The following PAWR variants were observed in gnomAD, a reference collection of about 807,000 sequenced individuals.
PAWR encodes the protein pro-apoptotic WT1 regulator.
PAWR carries 23 observed loss-of-function variants against 32.0 expected under a neutral mutation model. That is an observed-to-expected ratio of 0.72 (90% CI 0.52 to 1.02). The LOEUF (loss-of-function observed/expected upper bound fraction) is 1.02. Ranked by LOEUF, PAWR falls within the 50% of genes least tolerant of loss-of-function variation. The probability of loss-of-function intolerance (pLI) is 0.00; values close to 1 mark genes in which losing one functional copy is unlikely to be tolerated. For synonymous variants in PAWR, 226 were observed against 187.1 expected (o/e 1.21, Z -1.70); for missense variants, 457 against 437.7 (o/e 1.04, Z -0.39).
At chr12:79,600,431 T>C (rs1873913341) in intron 4 of PAWR, among the ~76,000 whole-genome samples, 1 of 150,252 alleles carries the variant, frequency 6.7e-6, no homozygotes, top group Admixed American at 6.7e-5. Flanking sequence ...CGAGAAGAAG[T>C]GTGATTAAAA....
chr12:79,689,980 C>T lies in PAWR; in HGVS notation c.265G>A (p.Val89Met). 2 of 1,338,816 alleles carry T rather than the reference C, an allele frequency of 1.5e-6. No homozygotes were observed. Among genetic ancestry groups the T allele is most frequent in the Non-Finnish European group, 1.9e-6 (2 of 1,051,752 alleles). 82.9% of individuals were successfully genotyped at this position (1,338,816 alleles called of 1,614,324 possible). The change falls in exon 2 of 7, where the codon GTG becomes ATG. Residue 89 changes from valine to methionine, a missense_variant. Coordinates refer to ENST00000328827, the MANE Select transcript of PAWR (RefSeq NM_002583.4). The stretch of plus-strand genomic sequence containing the variant: ...ATGGCGGAGCCGACCGCGCAGTTCA[C>T]GCCCCCGGGACCGGGGACGGCAGGT... Reference protein sequence around the residue: ...AAPAVPGPGGVNCAVGSAMLT... With the variant: ...AAPAVPGPGGMNCAVGSAMLT...
intron 4 of PAWR, chr12:79,604,095 C>T (rs1178030751): frequency 1.4e-5 from 3 of 213,304 alleles, no homozygotes; most frequent in Non-Finnish European, 2.4e-5. Flanking sequence ...ATCTTATTGC[C>T]AAATTTAGCC....
At chr12:79,639,875 TATTCCTATTCCATTCCATTCC>T (rs1426721917) in intron 2 of PAWR, among the ~76,000 whole-genome samples, 1 of 92,402 alleles carries the variant, frequency 1.1e-5, no homozygotes, top group South Asian at 3.0e-4. Context: ...TTCCTATTCC[TATTCCTATTCCATTCCATTCC>T]ATTCCATTCC....
At chr12:79,690,535 T>G (rs1592565648) in intron 1 of PAWR, 144 bp from the exon 2 acceptor site, 2 of 356,850 alleles carry the variant, frequency 5.6e-6, no homozygotes, top group African/African-American at 4.3e-5. Flanking sequence ...GTCCCCACCC[T>G]GCAAAGTTTC....
chr12:79,671,413 T>C (rs1007943627), intron 2 of PAWR, among the ~76,000 whole-genome samples: 5 of 152,224 alleles, frequency 3.3e-5, no homozygotes, highest in Non-Finnish European at 1.5e-5. Context: ...TTATGTGTAG[T>C]TAGCGTAGAA....
At chr12:79,620,895 G>A (rs1874972399) in intron 3 of PAWR, among the ~76,000 whole-genome samples, 181 bp downstream of exon 3, 1 of 152,198 alleles carries the variant, frequency 6.6e-6, no homozygotes, top group Non-Finnish European at 1.5e-5. Context: ...AAAGGGTGAA[G>A]AGAGTGTTCA....
In PAWR at chr12:79,600,224, A is replaced by G. The variant is rs1344031384; in HGVS notation, c.684-3566T>C. ...TGTCATCATTTGGTTTACTACTGCT[A>G]TCGCACTCAAAAAAGTGTATCTTTG... On this transcript the variant is annotated intron_variant, in intron 4 of 6. Transcript: ENST00000328827. 2.6e-5 allele frequency among the ~76,000 whole-genome samples: 4 copies of G among 152,200 alleles called. No individual in the cohort carries two copies. The East Asian group carries it at 5.8e-4, about 22-fold the overall frequency.
chr12:79,626,448 A>G (rs967069380), intron 2 of PAWR, among the ~76,000 whole-genome samples: 1 of 150,856 alleles, frequency 6.6e-6, no homozygotes, highest in Non-Finnish European at 1.5e-5. Flanking sequence ...TTTAGTAGAT[A>G]TGAGGGTTCA....
intron 2 of PAWR, among the ~76,000 whole-genome samples, chr12:79,641,845 C>CAAAAAAAAAAA (rs35377529): frequency 1.7e-5 from 1 of 57,626 alleles, no homozygotes; most frequent in Non-Finnish European, 3.0e-5. Flanking sequence ...GACTCCGTCT[C>CAAAAAAAAAAA]AAAAAAAAAA....
Position 79,592,595 on chromosome 12 carries a change from G to T in PAWR, c.*12C>A. ...GTTTAAAATATTTTTTCCACATTGA[G>T]TCTTGAATCCTCTACCTGGTCAGCT... On this transcript the variant is annotated 3_prime_UTR_variant, in exon 7 of 7. Transcript: ENST00000328827. 1.3e-6 allele frequency: 1 copy of T among 754,268 alleles called. No homozygotes were observed. 46.7% of individuals were successfully genotyped at this position (754,268 alleles called of 1,614,324 possible).
intron 2 of PAWR, among the ~76,000 whole-genome samples, chr12:79,678,472 G>A (rs1878278067): frequency 6.6e-6 from 1 of 152,236 alleles, no homozygotes; most frequent in Admixed American, 6.5e-5. Flanking sequence ...TAACCAATGT[G>A]TGGGCACTGG....
intron 3 of PAWR, 105 bp downstream of exon 3, chr12:79,620,971 G>T (rs1874975966): frequency 2.5e-6 from 2 of 804,352 alleles, no homozygotes; most frequent in African/African-American, 1.8e-5. Context: ...TAAGTAGGAG[G>T]AAAGGAGGCA....
intron 2 of PAWR, among the ~76,000 whole-genome samples, chr12:79,638,871 T>TATAC (rs1876111441): frequency 1.6e-4 from 1 of 6,264 alleles, no homozygotes; most frequent in South Asian, 3.1e-3. Flanking sequence ...GTCATATATA[T>TATAC]ATATATATAT....
chr12:79,618,551 T>G (rs1237065533), intron 3 of PAWR, among the ~76,000 whole-genome samples: 1 of 152,212 alleles, frequency 6.6e-6, no homozygotes, highest in Non-Finnish European at 1.5e-5. Flanking sequence ...TATCTAACTG[T>G]AACTTTGCAC....
At chr12:79,610,762 T>TAAAAAAA (rs1197221659) in intron 4 of PAWR, among the ~76,000 whole-genome samples, 1 of 88,970 alleles carries the variant, frequency 1.1e-5, no homozygotes, top group African/African-American at 4.1e-5. Flanking sequence ...TACCAAAAAT[T>TAAAAAAA]AAAAAAAAAA....
intron 2 of PAWR, among the ~76,000 whole-genome samples, chr12:79,659,871 C>G (rs1877266659): frequency 6.6e-6 from 1 of 151,844 alleles, no homozygotes; most frequent in Admixed American, 6.6e-5. Context: ...TACAGACTCC[C>G]CAAAAGTAGT....
At chr12:79,676,659 C>G (rs187939233) in intron 2 of PAWR, among the ~76,000 whole-genome samples, 1 of 152,122 alleles carries the variant, frequency 6.6e-6, no homozygotes. Context: ...CTCCTGTAGC[C>G]GGATACATCA....
At chr12:79,592,807 C>A in intron 6 of PAWR, 114 bp from the exon 7 acceptor site, 1 of 551,528 alleles carries the variant, frequency 1.8e-6, no homozygotes, top group Non-Finnish European at 3.1e-6. Flanking sequence ...GAAATGAGGG[C>A]AAGCTCTGAA....
rs931377495 is a variant in PAWR, at chr12:79,689,122, C to T, written c.516+607G>A. On this transcript the variant is annotated intron_variant, in intron 2 of 6. Coordinates refer to ENST00000328827, the MANE Select transcript of PAWR (RefSeq NM_002583.4). ...GGGTTACTAAATCATCCCTATTGTC[C>T]TAAGTATCACTCAGAAAAACACTGT... Among the ~76,000 whole-genome samples the T allele has an allele frequency of 4.6e-5, 7 of 152,262 alleles. No homozygotes were observed. In the South Asian group the frequency reaches 1.5e-3, roughly 32 times the overall value.
Sources: gnomAD v4.1 joint callset for allele counts (sites outside exome capture counted in the v4.1 genomes callset) on GRCh38, gnomAD v4.1.1 for gene constraint, MANE v1.5 for transcripts, NCBI Gene and HGNC (gene_info 2026-07-23, HGNC 2026-07-21) for gene names.